UNC13C: variants seen among roughly 807,000 people sequenced by gnomAD.
The protein encoded by UNC13C is protein unc-13 homolog C.
UNC13C carries 174 observed loss-of-function variants against 245.4 expected under a neutral mutation model. The ratio of observed to expected loss-of-function variants is 0.71; its 90% CI spans 0.63 to 0.80. The LOEUF is 0.80. UNC13C is among the 30% of genes least tolerant of loss of function. The pLI, the probability that UNC13C is intolerant of heterozygous loss-of-function variation, is 0.00. For synonymous variants in UNC13C, 992 were observed against 895.1 expected (o/e 1.11, Z -1.93); for missense variants, 2,829 against 2,602.9 (o/e 1.09, Z -1.89).
chr15:54,612,581 A>T (rs1900173026), intron 30 of UNC13C, among the ~76,000 whole-genome samples: 1 of 151,890 alleles, frequency 6.6e-6, no homozygotes. Context: ...AATAGTAAAA[A>T]CTCCTCCTAG....
intron 15 of UNC13C, among the ~76,000 whole-genome samples, chr15:54,333,316 T>A (rs1206039221): frequency 6.6e-6 from 1 of 152,090 alleles, no homozygotes; most frequent in Non-Finnish European, 1.5e-5. Context: ...GATGCAAACT[T>A]ATTTTTTTAA....
At chr15:54,172,202 G>A (rs1029450225) in intron 4 of UNC13C, among the ~76,000 whole-genome samples, 10 of 151,904 alleles carry the variant, frequency 6.6e-5, no homozygotes, top group Non-Finnish European at 1.3e-4. Context: ...GCACAATGAG[G>A]TGACTGCAGT....
chr15:54,511,438 A>G (rs1894734148), intron 23 of UNC13C, among the ~76,000 whole-genome samples: 1 of 152,200 alleles, frequency 6.6e-6, no homozygotes. Context: ...AAGTAAATCT[A>G]TAAAAACAAA....
At chr15:54,403,947 C>T (rs2040240971) in intron 18 of UNC13C, among the ~76,000 whole-genome samples, 1 of 151,988 alleles carries the variant, frequency 6.6e-6, no homozygotes, top group Non-Finnish European at 1.5e-5. Context: ...AGCATTAATT[C>T]GTAAGGATGG....
chr15:54,404,772 T>G (rs1055382203), intron 18 of UNC13C, among the ~76,000 whole-genome samples: 3 of 152,164 alleles, frequency 2.0e-5, no homozygotes, highest in African/African-American at 4.8e-5. Context: ...CTCTTTCAGT[T>G]TTGCTTCTAT....
intron 4 of UNC13C, among the ~76,000 whole-genome samples, chr15:54,201,336 C>A (rs575264894): frequency 6.4e-4 from 97 of 151,982 alleles, no homozygotes; most frequent in Non-Finnish European, 6.6e-4. Context: ...CACTCTAGTA[C>A]CAAAACCAGG....
chr15:54,112,944 G>C (rs1241592007), intron 2 of UNC13C, among the ~76,000 whole-genome samples: 1 of 152,114 alleles, frequency 6.6e-6, no homozygotes, highest in Non-Finnish European at 1.5e-5. Flanking sequence ...ACATTATCTT[G>C]CATGTAATAG....
At chr15:54,142,896 CTGTT>C (rs1271069770) in intron 2 of UNC13C, 118 bp from the exon 3 acceptor site, 1 of 867,994 alleles carries the variant, frequency 1.2e-6, no homozygotes, top group East Asian at 2.5e-5. Flanking sequence ...CCTTGAAACT[CTGTT>C]TATTTATAAT....
chr15:54,094,711 C>G (rs965366706), intron 2 of UNC13C, among the ~76,000 whole-genome samples: 1 of 152,126 alleles, frequency 6.6e-6, no homozygotes, highest in Admixed American at 6.6e-5. Flanking sequence ...GCGCTCACTC[C>G]TATAAAATAA....
At chr15:54,551,577 T>C (rs959228587) in intron 28 of UNC13C, among the ~76,000 whole-genome samples, 3 of 152,066 alleles carry the variant, frequency 2.0e-5, no homozygotes, top group African/African-American at 7.2e-5. Context: ...GTGGTCCCAT[T>C]ATTTTCTCAA....
intron 18 of UNC13C, among the ~76,000 whole-genome samples, chr15:54,402,450 C>G (rs1286304341): frequency 6.6e-6 from 1 of 152,088 alleles, no homozygotes; most frequent in African/African-American, 2.4e-5. Flanking sequence ...TTTTCTACCT[C>G]CCTGACCACA....
chr15:54,052,766 TTTAG>T (rs1467484519), intron 2 of UNC13C, among the ~76,000 whole-genome samples: 8 of 152,334 alleles, frequency 5.3e-5, no homozygotes, highest in East Asian at 1.9e-4. Flanking sequence ...TATGTATTTA[TTTAG>T]TTAGTTAGTT....
the UNC13C span, among the ~76,000 whole-genome samples, chr15:53,844,403 T>C: frequency 6.6e-6 from 1 of 152,256 alleles, no homozygotes. Flanking sequence ...GAGCTCAGTT[T>C]TGTTGAAACA....
chr15:53,867,329 T>C, the UNC13C span, among the ~76,000 whole-genome samples: 3 of 152,166 alleles, frequency 2.0e-5, no homozygotes, highest in African/African-American at 7.2e-5. Context: ...AAAACTATAA[T>C]GAACTAGAAT....
intron 30 of UNC13C, among the ~76,000 whole-genome samples, chr15:54,598,973 C>T (rs1465662489): frequency 2.0e-5 from 3 of 152,034 alleles, no homozygotes; most frequent in Non-Finnish European, 4.4e-5. Context: ...ATCAATTGTG[C>T]TATGGTAAAA....
At chr15:53,864,481 G>A in the UNC13C span, among the ~76,000 whole-genome samples, 97 of 152,166 alleles carry the variant, frequency 6.4e-4, no homozygotes, top group Middle Eastern at 6.8e-3. Flanking sequence ...GATTCATAGC[G>A]CAGACTTATT....
chr15:54,598,477 A>T (rs1899222925), intron 30 of UNC13C, among the ~76,000 whole-genome samples: 1 of 152,170 alleles, frequency 6.6e-6, no homozygotes, highest in Non-Finnish European at 1.5e-5. Context: ...CCATATACAG[A>T]GATAGTTCGA....
chr15:54,249,719 A>G (rs576083658), intron 7 of UNC13C, among the ~76,000 whole-genome samples: 1 of 152,260 alleles, frequency 6.6e-6, no homozygotes, highest in South Asian at 2.1e-4. Context: ...CTTATCTACT[A>G]CTGATGCTTT....
chr15:54,320,491 G>A (rs1029825421), intron 13 of UNC13C, among the ~76,000 whole-genome samples: 1 of 151,854 alleles, frequency 6.6e-6, no homozygotes, highest in Non-Finnish European at 1.5e-5. Flanking sequence ...ACGTTCACTG[G>A]AATGCTTTAC....
Sources: gnomAD v4.1 joint callset for allele counts (sites outside exome capture counted in the v4.1 genomes callset) on GRCh38, gnomAD v4.1.1 for gene constraint, MANE v1.5 for transcripts, NCBI Gene and HGNC (gene_info 2026-07-23, HGNC 2026-07-21) for gene names.